FER1L6: variants seen among roughly 807,000 people sequenced by gnomAD.
The protein encoded by FER1L6 is fer-1-like protein 6.
FER1L6 carries 177 observed loss-of-function variants against 219.2 expected under a neutral mutation model. The observed-to-expected ratio is 0.81, with a 90% confidence interval of 0.71 to 0.91. The LOEUF (loss-of-function observed/expected upper bound fraction) is 0.91. Among genes scored for constraint, FER1L6 ranks in the 40% least tolerant of loss-of-function variants. FER1L6 has a pLI of 0.00. For synonymous variants in FER1L6, 768 were observed against 824.3 expected (o/e 0.93, Z 1.17); for missense variants, 2,153 against 2,259.9 (o/e 0.95, Z 0.96).
At position 123,980,526 on chromosome 8, in the gene FER1L6, T is replaced by C; in HGVS notation, c.1125T>C (p.Ser375=). ...TGTATGGCTCGCCCAGGAACCACAG[T>C]CTGATGGATGACTACCAGGAAATGA... ...INLYGSPRNH[S]LMDDYQEMNE... is the part of the protein sequence containing the mutation. Residue 375 remains serine (S), a synonymous_variant, in exon 11 of 41, where the codon AGT becomes AGC. Coordinates refer to ENST00000522917, the MANE Select transcript of FER1L6 (RefSeq NM_001039112.2). 1 of 1,614,082 alleles carries C rather than the reference T, an allele frequency of 6.2e-7. No individual in the cohort carries two copies. Among genetic ancestry groups the C allele is most frequent in the Non-Finnish European group, 8.5e-7 (1 of 1,180,002 alleles).
At position 123,963,294 on chromosome 8, in the gene FER1L6, T is replaced by C. The variant is rs769644555; in HGVS notation, c.93T>C (p.Thr31=). ...CTTCTCCAGATAGTCAAGGTGACAC[T>C]GAAGCACTGCAGGAGGAGCCTTCTC... ...NKAAKDSQGD[T]EALQEEPSHQ... Residue 31 remains threonine (T), a synonymous_variant, in exon 3 of 41, where the codon ACT becomes ACC. Transcript: ENST00000522917. 1 of 1,614,076 alleles carries C rather than the reference T, an allele frequency of 6.2e-7. No individual in the cohort carries two copies. The highest frequency in any genetic ancestry group is 1.1e-5 in the South Asian group (1 of 91,076).
chr8:124,009,757 C>T (rs1054477492), intron 13 of FER1L6, among the ~76,000 whole-genome samples: 1 of 151,352 alleles, frequency 6.6e-6, no homozygotes, highest in African/African-American at 2.4e-5. Flanking sequence ...GCTGCAGACC[C>T]AGCGAGGAGC....
chr8:124,118,792 G>A (rs937239914), intron 39 of FER1L6, 52 bp from the exon 40 acceptor site: 22 of 1,503,230 alleles, frequency 1.5e-5, no homozygotes, highest in Non-Finnish European at 2.0e-5. Flanking sequence ...GGTTGCCATT[G>A]GCTCAGTGGG....
chr8:123,984,100 A>G (rs1017826422), intron 11 of FER1L6: 7 of 152,200 alleles, frequency 4.6e-5, no homozygotes, highest in Non-Finnish European at 7.3e-5. Flanking sequence ...TAAGACATCA[A>G]TTCTGCCCTG....
chr8:124,029,138 C>T (rs1818847926), intron 18 of FER1L6, among the ~76,000 whole-genome samples: 1 of 152,200 alleles, frequency 6.6e-6, no homozygotes, highest in Non-Finnish European at 1.5e-5. Context: ...CATAGTATTC[C>T]ATGGAGTGTA....
At chr8:123,936,774 C>T (rs1814023845) in intron 1 of FER1L6, among the ~76,000 whole-genome samples, 1 of 152,094 alleles carries the variant, frequency 6.6e-6, no homozygotes, top group Non-Finnish European at 1.5e-5. Flanking sequence ...GAGGGAGCCA[C>T]TGACAATTGA....
At chr8:124,110,744 TTCTA>T in intron 39 of FER1L6, among the ~76,000 whole-genome samples, 1 of 152,202 alleles carries the variant, frequency 6.6e-6, no homozygotes, top group Non-Finnish European at 1.5e-5. Flanking sequence ...TCACACATTG[TTCTA>T]GATTCACATG....
chr8:123,868,978 T>A lies in FER1L6; in HGVS notation c.-8+16793T>A, dbSNP rs7003823. Among the ~76,000 whole-genome samples, 587 of 152,282 alleles carry A rather than the reference T, an allele frequency of 3.9e-3. 3 individuals carry two copies. Among genetic ancestry groups the A allele is most frequent in the African/African-American group, 0.013 (548 of 41,550 alleles). ...TGAGCTGTCATCTATCAGGTTAGTC[T>A]GAGTTATGCATCTGGATCTAATTTG... On this transcript the variant is annotated intron_variant, in intron 1 of 40. Coordinates refer to ENST00000522917, the MANE Select transcript of FER1L6 (RefSeq NM_001039112.2).
chr8:124,070,651 G>T (rs927964194), intron 30 of FER1L6, 53 bp downstream of exon 30: 4 of 1,463,458 alleles, frequency 2.7e-6, no homozygotes, highest in Admixed American at 4.6e-5. Flanking sequence ...ATAAATGTCA[G>T]CTATGACTCG....
In FER1L6 at chr8:123,939,459, A is replaced by C. The variant is rs145857286; in HGVS notation, c.-7-16533A>C. On this transcript the variant is annotated intron_variant, in intron 1 of 40. Transcript: ENST00000522917. ...AGATGACATTACTGAAGTGCTGGAG[A>C]TTTATTCGGGGAGCATAAAGGGGAA... 5.6e-3 allele frequency among the ~76,000 whole-genome samples: 858 copies of C among 152,208 alleles called. 5 individuals are homozygous for C. Among genetic ancestry groups the C allele is most frequent in the African/African-American group, 0.019 (793 of 41,536 alleles).
At chr8:123,911,410 G>C (rs1392355115) in intron 1 of FER1L6, among the ~76,000 whole-genome samples, 1 of 152,160 alleles carries the variant, frequency 6.6e-6, no homozygotes, top group Non-Finnish European at 1.5e-5. Context: ...CAATGGCCCA[G>C]GCAGTGTCAT....
At chr8:123,871,165 G>T (rs146629363) in intron 1 of FER1L6, among the ~76,000 whole-genome samples, 1 of 152,158 alleles carries the variant, frequency 6.6e-6, no homozygotes, top group Non-Finnish European at 1.5e-5. Context: ...GTATGAACTC[G>T]TGTTTACTTT....
At chr8:124,017,854 G>A in intron 16 of FER1L6, 136 bp downstream of exon 16, 1 of 606,350 alleles carries the variant, frequency 1.6e-6, no homozygotes. Context: ...AGTGAAAAGG[G>A]ACTATTTGTT....
At chr8:123,881,968 A>G (rs1817117960) in intron 1 of FER1L6, among the ~76,000 whole-genome samples, 1 of 152,188 alleles carries the variant, frequency 6.6e-6, no homozygotes, top group African/African-American at 2.4e-5. Context: ...AAAGCTAATC[A>G]CTGTTTCACA....
At chr8:123,863,994 T>C (rs1816788167) in intron 1 of FER1L6, among the ~76,000 whole-genome samples, 1 of 148,024 alleles carries the variant, frequency 6.8e-6, no homozygotes, top group Admixed American at 6.6e-5. Flanking sequence ...AAAGTTAATA[T>C]TGTTATGTGT....
chr8:123,922,634 T>A (rs1033356157), intron 1 of FER1L6, among the ~76,000 whole-genome samples: 22 of 152,210 alleles, frequency 1.4e-4, no homozygotes, highest in African/African-American at 4.8e-4. Flanking sequence ...TGGGCTCCCG[T>A]AGGCACCGCC....
intron 1 of FER1L6, among the ~76,000 whole-genome samples, chr8:123,911,637 A>T (rs1285039962): frequency 7.9e-5 from 12 of 152,180 alleles, no homozygotes; most frequent in Non-Finnish European, 1.8e-4. Flanking sequence ...GCTGAAACAC[A>T]GGAGCTGCAA....
intron 32 of FER1L6, among the ~76,000 whole-genome samples, chr8:124,081,626 G>A (rs4379429): frequency 0.72 from 85,407 of 119,214 alleles, 27,920 homozygotes; most frequent in South Asian, 0.73. Context: ...AAAAAAAAAA[G>A]GGCAGGTCCC....
intron 33 of FER1L6, among the ~76,000 whole-genome samples, chr8:124,086,006 G>C (rs1045363097): frequency 2.0e-5 from 3 of 151,984 alleles, no homozygotes; most frequent in African/African-American, 7.3e-5. Context: ...TGAAATCTAT[G>C]TTGTTTTATA....
Sources: allele counts gnomAD v4.1 joint callset (sites outside exome capture counted in the v4.1 genomes callset), GRCh38; gene constraint gnomAD v4.1.1; transcripts MANE v1.5; gene names NCBI Gene and HGNC (gene_info 2026-07-23, HGNC 2026-07-21).